Variants in FBXL16 observed in about 807,000 individuals in gnomAD.
FBXL16 encodes F-box and leucine rich repeat protein 16.
FBXL16 carries 7 observed loss-of-function variants against 36.7 expected under a neutral mutation model. The observed-to-expected ratio is 0.19, with a 90% confidence interval of 0.11 to 0.36. The LOEUF (loss-of-function observed/expected upper bound fraction) is 0.36, where lower values mean the gene tolerates loss of function less well. Among genes scored for constraint, FBXL16 ranks in the 10% least tolerant of loss-of-function variants. The probability of loss-of-function intolerance (pLI) is 1.00; values close to 1 mark genes in which losing one functional copy is unlikely to be tolerated. For missense variants in FBXL16, 463 were observed against 659.4 expected, an observed-to-expected ratio of 0.70 and a Z score of 3.26; for synonymous variants, 355 against 308.7, an observed-to-expected ratio of 1.15 and a Z score of -1.57.
At chr16:694,455 C>A in intron 5 of FBXL16, 32 bp from the exon 6 acceptor site, 1 of 1,523,648 alleles carries the variant, frequency 6.6e-7, no homozygotes, top group Non-Finnish European at 8.8e-7. Flanking sequence ...GCTCAGTGCG[C>A]GCGGCCCAGG....
At position 696,072 on chromosome 16, in the gene FBXL16, G is replaced by A. The variant is rs374285491; in HGVS notation, c.634-149C>T. The A allele has an allele frequency of 3.2e-5, 38 of 1,199,476 alleles. 1 individual carries two copies. Among genetic ancestry groups the A allele is most frequent in the East Asian group, 2.4e-4 (9 of 38,046 alleles). The allele number at this position is 1,199,476 out of a possible 1,614,324, so 74.3% of individuals were successfully genotyped here. Reference sequence around the variant, plus strand: ...GCGGGGCATCGGGACGAGAGCCCAGGGCCTGGCCAGGGCAGGTGCTGGGGG... The same window carrying A: ...GCGGGGCATCGGGACGAGAGCCCAGAGCCTGGCCAGGGCAGGTGCTGGGGG... On this transcript the variant is annotated intron_variant, in intron 2 of 5. Transcript: ENST00000397621.
chr16:696,715 G>T, intron 2 of FBXL16, 58 bp downstream of exon 2: 2 of 1,446,928 alleles, frequency 1.4e-6, no homozygotes, highest in East Asian at 2.6e-5. Flanking sequence ...CACCTCCATA[G>T]GGTTGCTGCT....
chr16:696,763 T>A lies in FBXL16; in HGVS notation c.633+10A>T. ...CCCCCAGCCCTGTCCCCCCCGAGCC[T>A]GGTGCACACCTCGAGGCCTGCGTCC... On this transcript the variant is annotated intron_variant, in intron 2 of 5. Coordinates refer to ENST00000397621, the MANE Select transcript of FBXL16 (RefSeq NM_153350.4). 9.0e-6 allele frequency: 2 copies of A among 221,044 alleles called. No homozygotes were observed. The highest frequency in any genetic ancestry group is 4.6e-4 in the Middle Eastern group (1 of 2,188). 13.7% of individuals were successfully genotyped at this position (221,044 alleles called of 1,614,324 possible). A position where few individuals can be genotyped will look rare whatever the true frequency, so the allele number is the denominator to read the frequency against.
chr16:694,267 G>C lies in FBXL16; in HGVS notation c.*8C>G, dbSNP rs773077964. Reference sequence around the variant, plus strand: ...CCGGGTTCCCGCGACCGGGGCGGGGGCCTCGCGCTACTCAATGACGAGGCA... The same window carrying C: ...CCGGGTTCCCGCGACCGGGGCGGGGCCCTCGCGCTACTCAATGACGAGGCA... On this transcript the variant is annotated 3_prime_UTR_variant, in exon 6 of 6. Transcript: ENST00000397621. The C allele has an allele frequency of 1.5e-6, 2 of 1,375,876 alleles. No homozygotes were observed. The allele number at this position is 1,375,876 out of a possible 1,614,324, so 85.2% of individuals were successfully genotyped here.
rs994541887 is a variant in FBXL16, at chr16:697,221, G to T, written c.185C>A (p.Ala62Asp). Residue 62 changes from alanine (A) to aspartate (D), a missense_variant, in exon 2 of 6, where the codon GCT becomes GAT. Ala to Asp is a moderately radical substitution (Grantham distance 126). Transcript: ENST00000397621. The surrounding 1 kb of genome is among the most constrained non-coding windows in gnomAD (Gnocchi z 4.6). ...AGCCAGGGCAGCCCGGGACAGTGGA[G>T]CAGCCAGGCTGGGTGGTGGGAGGGT... is the stretch of plus-strand genomic sequence containing the variant. ...PPTLPPPSLA[A>D]PLSRAALAGG... 2.0e-6 allele frequency: 3 copies of T among 1,499,396 alleles called. No individual in the cohort carries two copies. The highest frequency in any genetic ancestry group is 1.3e-5 in the South Asian group (1 of 77,656). 92.9% of individuals were successfully genotyped at this position (1,499,396 alleles called of 1,614,324 possible). A position where few individuals can be genotyped will look rare whatever the true frequency, so the allele number is the denominator to read the frequency against.
chr16:695,688 G>A lies in FBXL16; in HGVS notation c.869C>T (p.Ala290Val). Residue 290 changes from alanine to valine, a missense_variant, in exon 3 of 6, where the codon GCG becomes GTG. Coordinates refer to ENST00000397621, the MANE Select transcript of FBXL16 (RefSeq NM_153350.4). ...CGTGTGCGTGCTGTGGCCCTGGCGC[G>A]CCGTGAAGTAGGCCAGCGCCGTGTC... ...VTDTALAYFT[A>V]RQGHSTHTLR... is the part of the protein sequence containing the mutation. 1 of 1,605,630 alleles carries A rather than the reference G, an allele frequency of 6.2e-7. No homozygotes were observed. Among genetic ancestry groups the A allele is most frequent in the Non-Finnish European group, 8.5e-7 (1 of 1,179,510 alleles).
chr16:696,884 A>G lies in FBXL16; in HGVS notation c.522T>C (p.Val174=). The G allele has an allele frequency of 1.2e-6, 2 of 1,609,316 alleles. No homozygotes were observed. The highest frequency in any genetic ancestry group is 2.7e-5 in the African/African-American group (2 of 74,784). The change falls in exon 2 of 6, where the codon GTT becomes GTC. Residue 174 remains valine (V), a synonymous_variant. Transcript: ENST00000397621. The stretch of plus-strand genomic sequence containing the variant: ...CACAGATGTCCAGGTCGGAGACGCC[A>G]ACCAGGCAGAAGCCCTCGAAGCCTC... The part of the protein sequence containing the change: ...AARGFEGFCL[V]GVSDLDICEF...
intron 1 of FBXL16, among the ~76,000 whole-genome samples, chr16:698,137 G>A (rs1208489894): frequency 6.6e-6 from 1 of 152,076 alleles, no homozygotes; most frequent in African/African-American, 2.4e-5. Flanking sequence ...CCGTGTAGCT[G>A]GGAATTCGGG....
intron 1 of FBXL16, among the ~76,000 whole-genome samples, chr16:700,036 G>T (rs1046736290): frequency 7.9e-5 from 12 of 152,122 alleles, no homozygotes; most frequent in Non-Finnish European, 1.6e-4. Context: ...TGGTCAGGGG[G>T]GAGGGGAGGC....
At chr16:701,590 T>C (rs1282545920) in intron 1 of FBXL16, among the ~76,000 whole-genome samples, 1 of 152,154 alleles carries the variant, frequency 6.6e-6, no homozygotes, top group Non-Finnish European at 1.5e-5. Flanking sequence ...GCCCCTCTGC[T>C]TGGCCCTGGG....
At position 695,522 on chromosome 16, in the gene FBXL16, C is replaced by T; in HGVS notation, c.1035G>A (p.Leu345=). The change falls in exon 3 of 6, where the codon CTG becomes CTA. Residue 345 remains leucine, a synonymous_variant. Coordinates refer to ENST00000397621, the MANE Select transcript of FBXL16 (RefSeq NM_153350.4). Reference sequence around the variant, plus strand: ...AGAGGTCAAGGCTGCGCAGCTTGCGCAGGTTCTCGGCCACGAGCTCCACGC... The same window carrying T: ...AGAGGTCAAGGCTGCGCAGCTTGCGTAGGTTCTCGGCCACGAGCTCCACGC... ...DDGVELVAEN[L]RKLRSLDLSW... The T allele has an allele frequency of 6.3e-7, 1 of 1,598,394 alleles. No individual in the cohort carries two copies. The highest frequency in any genetic ancestry group is 8.5e-7 in the Non-Finnish European group (1 of 1,177,902).
intron 1 of FBXL16, among the ~76,000 whole-genome samples, chr16:705,041 G>A (rs543930663): frequency 1.3e-5 from 2 of 152,122 alleles, no homozygotes; most frequent in Admixed American, 1.3e-4. Flanking sequence ...CTCCTCCCGC[G>A]GGCAGTAGCT....
At chr16:698,554 G>A (rs532445102) in intron 1 of FBXL16, among the ~76,000 whole-genome samples, 30 of 152,348 alleles carry the variant, frequency 2.0e-4, no homozygotes, top group African/African-American at 5.5e-4. Flanking sequence ...ACTGCACAGC[G>A]CTCAGGAGGG....
Position 695,289 on chromosome 16 carries a change from C to G in FBXL16, c.1142+126G>C. On this transcript the variant is annotated intron_variant, in intron 3 of 5. Transcript: ENST00000397621. ...CACTCCCCAGGCTCCGAGGGCTCTG[C>G]CCGCCGCGCCACAGCCCCAGCCCCG... is the stretch of plus-strand genomic sequence containing the variant. The G allele has an allele frequency of 5.9e-6, 7 of 1,178,894 alleles. No individual in the cohort carries two copies. In the South Asian group the frequency reaches 8.7e-5, roughly 15 times the overall value. 73.0% of individuals were successfully genotyped at this position (1,178,894 alleles called of 1,614,324 possible).
At chr16:699,081 A>G (rs1476559769) in intron 1 of FBXL16, among the ~76,000 whole-genome samples, 1 of 152,186 alleles carries the variant, frequency 6.6e-6, no homozygotes, top group Admixed American at 6.5e-5. Context: ...CCCAATGAGA[A>G]CGATGCTGTG....
In FBXL16 at chr16:697,181, G is replaced by T; in HGVS notation, c.225C>A (p.Thr75=). Residue 75 remains threonine, a synonymous_variant, in exon 2 of 6, where the codon ACC becomes ACA. Coordinates refer to ENST00000397621, the MANE Select transcript of FBXL16 (RefSeq NM_153350.4). The surrounding 1 kb of genome is among the most constrained non-coding windows in gnomAD (Gnocchi z 4.6). The part of the protein sequence containing the change: ...SRAALAGGPC[T]PAGGPASALA... ...AGGCTGAGGCTGGTCCACCTGCCGG[G>T]GTGCACGGGCCCCCAGCCAGGGCAG... The T allele has an allele frequency of 6.4e-7, 1 of 1,561,200 alleles. No homozygotes were observed. The highest frequency in any genetic ancestry group is 8.6e-7 in the Non-Finnish European group (1 of 1,157,654).
chr16:693,603 C>T lies in FBXL16; in HGVS notation c.*672G>A, dbSNP rs1248195498. 2 of 152,840 alleles carry T rather than the reference C, an allele frequency of 1.3e-5. No homozygotes were observed. The highest frequency in any genetic ancestry group is 2.4e-5 in the African/African-American group (1 of 41,466). The allele number at this position is 152,840 out of a possible 1,614,324, so 9.5% of individuals were successfully genotyped here. The stretch of plus-strand genomic sequence containing the variant: ...TTGGGGCGGACAGGGGACTGCCCCA[C>T]ACAGCGGCAAGGAGGAGGAGAGGCC... On this transcript the variant is annotated 3_prime_UTR_variant, in exon 6 of 6. Coordinates refer to ENST00000397621, the MANE Select transcript of FBXL16 (RefSeq NM_153350.4).
In FBXL16 at chr16:703,159, C is replaced by T. The variant is rs542610439; in HGVS notation, c.-15+2353G>A. Among the ~76,000 whole-genome samples, 158 of 152,320 alleles carry T rather than the reference C, an allele frequency of 1.0e-3. 1 individual carries two copies. Among genetic ancestry groups the T allele is most frequent in the African/African-American group, 3.7e-3 (153 of 41,566 alleles). ...TGCCCTGTTCTGCCTCATGGGGTCT[C>T]GATGCCTTCCTGCTGGGCCCTGGGC... On this transcript the variant is annotated intron_variant, in intron 1 of 5. Coordinates refer to ENST00000397621, the MANE Select transcript of FBXL16 (RefSeq NM_153350.4).
Position 694,094 on chromosome 16 carries a change from TG to T in FBXL16, c.*180del. On this transcript the variant is annotated 3_prime_UTR_variant, in exon 6 of 6. Coordinates refer to ENST00000397621, the MANE Select transcript of FBXL16 (RefSeq NM_153350.4). The stretch of plus-strand genomic sequence containing the variant: ...GCCGCCCCCCTGCCCGGGGCGGGGC[TG>T]GGAGGGCGGAGGGACCGAAGGTCGG... 1 of 302,954 alleles carries T rather than the reference TG, an allele frequency of 3.3e-6. No homozygotes were observed. Among genetic ancestry groups the T allele is most frequent in the Non-Finnish European group, 6.0e-6 (1 of 166,368 alleles). 18.8% of individuals were successfully genotyped at this position (302,954 alleles called of 1,614,324 possible).
Sources: allele counts gnomAD v4.1 joint callset (sites outside exome capture counted in the v4.1 genomes callset), GRCh38; gene constraint gnomAD v4.1.1; non-coding constraint Gnocchi (gnomAD v3.1); transcripts MANE v1.5; gene names NCBI Gene and HGNC (gene_info 2026-07-23, HGNC 2026-07-21).